The following SH3PXD2B variants were observed in gnomAD, a reference collection of about 807,000 sequenced individuals.
SH3PXD2B encodes the protein SH3 and PX domain-containing protein 2B.
A neutral mutation model predicts 73.1 loss-of-function variants in SH3PXD2B; 37 were observed. The ratio of observed to expected loss-of-function variants is 0.51; its 90% CI spans 0.39 to 0.67. The LOEUF (loss-of-function observed/expected upper bound fraction) is 0.67, where lower values mean the gene tolerates loss of function less well. SH3PXD2B is among the 30% of genes least tolerant of loss of function. The pLI, the probability that SH3PXD2B is intolerant of heterozygous loss-of-function variation, is 0.00. For synonymous variants in SH3PXD2B, 457 were observed against 480.5 expected (o/e 0.95, Z 0.64); for missense variants, 1,053 against 1,197.8 (o/e 0.88, Z 1.78).
chr5:172,420,948 C>A (rs1470139524), intron 2 of SH3PXD2B, among the ~76,000 whole-genome samples: 1 of 152,144 alleles, frequency 6.6e-6, no homozygotes, highest in Non-Finnish European at 1.5e-5. Flanking sequence ...TAAGATGTGC[C>A]TGAAGCCTGG....
chr5:172,417,038 C>T (rs532934658), intron 2 of SH3PXD2B, among the ~76,000 whole-genome samples: 1 of 152,284 alleles, frequency 6.6e-6, no homozygotes, highest in South Asian at 2.1e-4. Context: ...ACAAGGGAGC[C>T]TGGGTCATGC....
intron 1 of SH3PXD2B, among the ~76,000 whole-genome samples, chr5:172,437,970 CATTT>C (rs1317396182): frequency 1.3e-5 from 2 of 152,172 alleles, no homozygotes; most frequent in African/African-American, 2.4e-5. Context: ...TTCATTCATT[CATTT>C]GGCATATACA....
chr5:172,418,387 G>A (rs1050759068), intron 2 of SH3PXD2B, among the ~76,000 whole-genome samples: 2 of 152,226 alleles, frequency 1.3e-5, no homozygotes, highest in Non-Finnish European at 2.9e-5. Flanking sequence ...CACACAGCTG[G>A]AGGGTGGCTG....
intron 1 of SH3PXD2B, among the ~76,000 whole-genome samples, chr5:172,446,956 T>G (rs1759679177): frequency 6.6e-6 from 1 of 152,128 alleles, no homozygotes; most frequent in South Asian, 2.1e-4. Flanking sequence ...TCCAGAGACC[T>G]CCCTCTGTGG....
At chr5:172,351,603 T>C (rs2113292384) in intron 9 of SH3PXD2B, among the ~76,000 whole-genome samples, 1 of 152,292 alleles carries the variant, frequency 6.6e-6, no homozygotes, top group Middle Eastern at 3.4e-3. Context: ...CCATGGCAAC[T>C]GGCAAACACT....
intron 10 of SH3PXD2B, among the ~76,000 whole-genome samples, chr5:172,348,159 A>G (rs1187544131): frequency 6.6e-6 from 1 of 152,180 alleles, no homozygotes; most frequent in Non-Finnish European, 1.5e-5. Flanking sequence ...CTGTCTATAT[A>G]GACTTCATTT....
chr5:172,439,238 G>GAAAAAAAAAAAAAAAAAAAA (rs922645535), intron 1 of SH3PXD2B, among the ~76,000 whole-genome samples: 2 of 33,232 alleles, frequency 6.0e-5, no homozygotes, highest in African/African-American at 1.4e-4. Context: ...AGAAAAAACA[G>GAAAAAAAAAAAAAAAAAAAA]AAAAAAAAAA....
Position 172,333,596 on chromosome 5 carries a change from C to G in SH3PXD2B, c.*4773G>C, listed in dbSNP as rs146679204. On this transcript the variant is annotated 3_prime_UTR_variant, in exon 13 of 13. Transcript: ENST00000311601. ...TAAAGTATATAGCCTACACATGCTA[C>G]AGCTAGTTGTTCTCACCCCTCCCCT... The G allele has an allele frequency of 5.2e-4, 657 of 1,271,744 alleles. 3 individuals carry two copies. The African/African-American group carries it at 9.2e-3, about 18-fold the overall frequency. The allele number at this position is 1,271,744 out of a possible 1,614,324, so 78.8% of individuals were successfully genotyped here.
chr5:172,395,606 A>G (rs1220186224), intron 3 of SH3PXD2B, among the ~76,000 whole-genome samples: 1 of 152,212 alleles, frequency 6.6e-6, no homozygotes, highest in African/African-American at 2.4e-5. Context: ...GTTTAAAGCA[A>G]ATCAGTGGGT....
intron 7 of SH3PXD2B, among the ~76,000 whole-genome samples, chr5:172,361,354 G>GT (rs1262506076): frequency 9.2e-5 from 14 of 152,148 alleles, no homozygotes; most frequent in African/African-American, 3.4e-4. Flanking sequence ...TAAGAATAAT[G>GT]TATCCACGTA....
chr5:172,361,988 G>T (rs142856818), intron 7 of SH3PXD2B, among the ~76,000 whole-genome samples: 3 of 152,188 alleles, frequency 2.0e-5, no homozygotes, highest in African/African-American at 4.8e-5. Flanking sequence ...TCCCAGGGAG[G>T]ATCTGCTTAT....
intron 5 of SH3PXD2B, among the ~76,000 whole-genome samples, chr5:172,377,845 AT>A (rs1581289355): frequency 6.6e-6 from 1 of 152,092 alleles, no homozygotes; most frequent in Non-Finnish European, 1.5e-5. Context: ...TGGATGTTCT[AT>A]TTGTGTATGC....
At chr5:172,381,863 G>A (rs1284470964) in intron 5 of SH3PXD2B, among the ~76,000 whole-genome samples, 173 bp downstream of exon 5, 3 of 152,270 alleles carry the variant, frequency 2.0e-5, no homozygotes, top group South Asian at 2.1e-4. Context: ...CCTGTCAAAC[G>A]GACGATCGCT....
chr5:172,397,717 T>C (rs1043428924), intron 3 of SH3PXD2B, among the ~76,000 whole-genome samples: 4 of 152,362 alleles, frequency 2.6e-5, no homozygotes, highest in East Asian at 1.9e-4. Flanking sequence ...TTTTCCTAAG[T>C]GCATGTGGGA....
intron 5 of SH3PXD2B, among the ~76,000 whole-genome samples, chr5:172,375,186 C>T (rs1280972201): frequency 2.6e-5 from 4 of 152,142 alleles, no homozygotes; most frequent in Non-Finnish European, 5.9e-5. Context: ...ATGGCAAAAC[C>T]TCATCTCTAC....
At chr5:172,358,933 T>G (rs1038612569) in intron 7 of SH3PXD2B, 56 bp from the exon 8 acceptor site, 200 of 1,508,184 alleles carry the variant, frequency 1.3e-4, no homozygotes, top group Non-Finnish European at 1.8e-4. Flanking sequence ...AGGCCGGGGG[T>G]CAGAACATAA....
chr5:172,338,993 C>A lies in SH3PXD2B; in HGVS notation c.2112G>T (p.Glu704Asp). Residue 704 changes from glutamate (E) to aspartate (D), a missense_variant, in exon 13 of 13, where the codon GAG becomes GAT. Coordinates refer to ENST00000311601, the MANE Select transcript of SH3PXD2B (RefSeq NM_001017995.3). The surrounding 1 kb of genome is among the most constrained non-coding windows in gnomAD (Gnocchi z 5.1). ...VAFSRSFLPG[E>D]GPGRAQDRTG... ...TCCTGTCCTGGGCGCGGCCAGGCCC[C>A]TCTCCTGGGAGGAAGCTTCGGCTGA... 6.2e-7 allele frequency: 1 copy of A among 1,614,136 alleles called. No homozygotes were observed.
chr5:172,405,050 G>C (rs980377238), intron 3 of SH3PXD2B, among the ~76,000 whole-genome samples: 11 of 152,250 alleles, frequency 7.2e-5, no homozygotes, highest in African/African-American at 2.7e-4. Flanking sequence ...GCCCACAGTA[G>C]GGAGCTATTA....
At chr5:172,365,308 C>G (rs2113329199) in intron 6 of SH3PXD2B, among the ~76,000 whole-genome samples, 1 of 152,322 alleles carries the variant, frequency 6.6e-6, no homozygotes, top group East Asian at 1.9e-4. Context: ...TACTGCCACC[C>G]CCATTTTGTG....
Sources: gnomAD v4.1 joint callset for allele counts (sites outside exome capture counted in the v4.1 genomes callset) on GRCh38, gnomAD v4.1.1 for gene constraint, Gnocchi (gnomAD v3.1) non-coding constraint, MANE v1.5 for transcripts, NCBI Gene and HGNC (gene_info 2026-07-23, HGNC 2026-07-21) for gene names.